CTNNA3: variants seen among roughly 807,000 people sequenced by gnomAD.
CTNNA3 encodes the protein catenin alpha 3, also known as catenin alpha-3.
A neutral mutation model predicts 95.7 loss-of-function variants in CTNNA3; 76 were observed. The ratio of observed to expected loss-of-function variants is 0.79; its 90% CI spans 0.66 to 0.96. The LOEUF (loss-of-function observed/expected upper bound fraction) is 0.96. Ranked by LOEUF, CTNNA3 falls within the 40% of genes least tolerant of loss-of-function variation. CTNNA3 has a pLI of 0.00. For synonymous variants in CTNNA3, 431 were observed against 374.4 expected, an observed-to-expected ratio of 1.15 and a Z score of -1.74; for missense variants, 1,191 against 1,089.8, an observed-to-expected ratio of 1.09 and a Z score of -1.31.
chr10:67,276,470 T>G (rs932351527), intron 5 of CTNNA3, among the ~76,000 whole-genome samples: 1 of 152,172 alleles, frequency 6.6e-6, no homozygotes, highest in Non-Finnish European at 1.5e-5. Flanking sequence ...GTTGGTATTA[T>G]TAAAATTCAG....
At chr10:66,244,312 C>T (rs559585742) in intron 13 of CTNNA3, among the ~76,000 whole-genome samples, 12 of 152,298 alleles carry the variant, frequency 7.9e-5, no homozygotes, top group South Asian at 4.1e-4. Context: ...TCTGGGCCTG[C>T]GCAGAACTTT....
chr10:67,551,539 T>C (rs1841033241), intron 3 of CTNNA3, among the ~76,000 whole-genome samples: 1 of 152,150 alleles, frequency 6.6e-6, no homozygotes, highest in South Asian at 2.1e-4. Flanking sequence ...AGGGGTCTCA[T>C]TGAGCTAACG....
chr10:67,446,966 G>T (rs891337937), intron 5 of CTNNA3, among the ~76,000 whole-genome samples: 1 of 152,118 alleles, frequency 6.6e-6, no homozygotes, highest in African/African-American at 2.4e-5. Flanking sequence ...TTAGCCGGGC[G>T]TGGTGGCGGG....
intron 7 of CTNNA3, among the ~76,000 whole-genome samples, chr10:67,134,880 T>C (rs1341820069): frequency 6.6e-6 from 1 of 152,028 alleles, no homozygotes; most frequent in Admixed American, 6.6e-5. Flanking sequence ...GAGGAGTCAC[T>C]CTGTAGACAC....
intron 5 of CTNNA3, among the ~76,000 whole-genome samples, chr10:67,430,777 A>G (rs1250698211): frequency 6.7e-6 from 1 of 149,266 alleles, no homozygotes; most frequent in Non-Finnish European, 1.5e-5. Context: ...TGGGCTGGAA[A>G]AAATGGTCCT....
intron 1 of CTNNA3, among the ~76,000 whole-genome samples, chr10:67,719,986 G>A (rs960883736): frequency 9.9e-5 from 15 of 151,792 alleles, no homozygotes; most frequent in Non-Finnish European, 5.9e-5. Flanking sequence ...AGGTGCTCCT[G>A]TGTTGTTTGC....
chr10:66,334,673 CT>C, intron 12 of CTNNA3, among the ~76,000 whole-genome samples: 1 of 152,034 alleles, frequency 6.6e-6, no homozygotes, highest in East Asian at 1.9e-4. Context: ...ACATTTTTTC[CT>C]TCATTTCAAC....
At chr10:66,332,316 C>G (rs1241194097) in intron 12 of CTNNA3, among the ~76,000 whole-genome samples, 1 of 151,554 alleles carries the variant, frequency 6.6e-6, no homozygotes, top group Non-Finnish European at 1.5e-5. Flanking sequence ...GTATCCCTGT[C>G]TTGTGCCAGT....
chr10:66,715,978 C>A (rs1311063051), intron 9 of CTNNA3, among the ~76,000 whole-genome samples: 1 of 151,986 alleles, frequency 6.6e-6, no homozygotes, highest in African/African-American at 2.4e-5. Context: ...AACTGAAATG[C>A]ATATAAGGAA....
At chr10:67,524,221 G>T (rs1363559831) in intron 4 of CTNNA3, among the ~76,000 whole-genome samples, 1 of 151,852 alleles carries the variant, frequency 6.6e-6, no homozygotes, top group African/African-American at 2.4e-5. Flanking sequence ...GGCTAACACG[G>T]TGAAACCCCG....
chr10:66,064,305 A>T (rs1264184765), intron 15 of CTNNA3, among the ~76,000 whole-genome samples: 2 of 152,180 alleles, frequency 1.3e-5, no homozygotes, highest in Non-Finnish European at 2.9e-5. Context: ...TGTGGGAATT[A>T]TGAGGATGAT....
intron 15 of CTNNA3, among the ~76,000 whole-genome samples, chr10:66,030,985 C>T (rs961075813): frequency 6.6e-6 from 1 of 151,998 alleles, no homozygotes; most frequent in African/African-American, 2.4e-5. Flanking sequence ...CAAATTAAAA[C>T]CACAATAAAA....
chr10:67,151,342 A>AC (rs1861084269), intron 7 of CTNNA3, among the ~76,000 whole-genome samples: 1 of 152,026 alleles, frequency 6.6e-6, no homozygotes, highest in African/African-American at 2.4e-5. Flanking sequence ...TGAATAAAAA[A>AC]AAATAAGGTA....
chr10:67,169,517 A>T (rs1296239237), intron 7 of CTNNA3, among the ~76,000 whole-genome samples: 1 of 152,186 alleles, frequency 6.6e-6, no homozygotes, highest in Non-Finnish European at 1.5e-5. Flanking sequence ...CTGACAAAAA[A>T]TAACAATTGG....
At chr10:66,004,290 T>C (rs932294263) in intron 15 of CTNNA3, among the ~76,000 whole-genome samples, 2 of 152,250 alleles carry the variant, frequency 1.3e-5, no homozygotes, top group African/African-American at 4.8e-5. Flanking sequence ...AAAACATTAT[T>C]CTCTGTCTAC....
rs76590385 is a variant in CTNNA3, at chr10:66,238,848, A to G, written c.1884+41622T>C. On this transcript the variant is annotated intron_variant, in intron 13 of 17. Coordinates refer to ENST00000433211, the MANE Select transcript of CTNNA3 (RefSeq NM_013266.4). ...TACTGGATAATTTTTAAGAAAAATA[A>G]TTGTTTTATGTGACCATGAAGTAAG... Among the ~76,000 whole-genome samples, 1,199 of 152,116 alleles carry G rather than the reference A, an allele frequency of 7.9e-3. 10 individuals carry two copies. Among genetic ancestry groups the G allele is most frequent in the East Asian group, 0.032 (166 of 5,186 alleles).
chr10:66,226,949 T>G (rs1171030611), intron 13 of CTNNA3, among the ~76,000 whole-genome samples: 1 of 152,154 alleles, frequency 6.6e-6, no homozygotes, highest in Non-Finnish European at 1.5e-5. Context: ...TCTAAGATTT[T>G]TTTTGGTGGA....
At chr10:65,959,736 G>A (rs996981815) in intron 17 of CTNNA3, among the ~76,000 whole-genome samples, 1 of 152,028 alleles carries the variant, frequency 6.6e-6, no homozygotes, top group Non-Finnish European at 1.5e-5. Flanking sequence ...GGTTGGTCTT[G>A]AACTCATAAG....
At chr10:67,500,739 G>A (rs879155312) in intron 5 of CTNNA3, among the ~76,000 whole-genome samples, 1 of 152,152 alleles carries the variant, frequency 6.6e-6, no homozygotes, top group Non-Finnish European at 1.5e-5. Flanking sequence ...TCAGAGACTA[G>A]GATTGCAAAC....
Sources: gnomAD v4.1 joint callset for allele counts (sites outside exome capture counted in the v4.1 genomes callset) on GRCh38, gnomAD v4.1.1 for gene constraint, MANE v1.5 for transcripts, NCBI Gene and HGNC (gene_info 2026-07-23, HGNC 2026-07-21) for gene names.